UGP2: variants seen among roughly 807,000 people sequenced by gnomAD.
The protein encoded by UGP2 is UDP-glucose pyrophosphorylase 2, also known as UTP--glucose-1-phosphate uridylyltransferase.
A neutral mutation model predicts 49.0 loss-of-function variants in UGP2; 40 were observed. That is an observed-to-expected ratio of 0.82 (90% CI 0.63 to 1.06). The LOEUF is 1.06. Ranked by LOEUF, UGP2 falls within the 50% of genes least tolerant of loss-of-function variation. The pLI, the probability that UGP2 is intolerant of heterozygous loss-of-function variation, is 0.00. For synonymous variants in UGP2, 225 were observed against 213.0 expected (o/e 1.06, Z -0.49); for missense variants, 460 against 603.5 (o/e 0.76, Z 2.49).
rs997550036 is a variant in UGP2, at chr2:63,891,444, T to TA, written c.*220dup. 2 of 375,164 alleles carry TA rather than the reference T, an allele frequency of 5.3e-6. No individual in the cohort carries two copies. The highest frequency in any genetic ancestry group is 8.9e-5 in the Admixed American group (2 of 22,406). 23.2% of individuals were successfully genotyped at this position (375,164 alleles called of 1,614,324 possible). ...GAGAATCCCAAAAGTTAGTTCATCT[T>TA]AAAGTGCAATATTGTTTAATCTTAA... On this transcript the variant is annotated 3_prime_UTR_variant, in exon 10 of 10. Transcript: ENST00000337130.
chr2:63,868,948 A>G (rs1670363114), intron 3 of UGP2, among the ~76,000 whole-genome samples: 1 of 151,930 alleles, frequency 6.6e-6, no homozygotes, highest in Admixed American at 6.6e-5. Flanking sequence ...CTGGGCGACA[A>G]GAGTGAAACT....
At chr2:63,845,686 T>C (rs887860540) in intron 1 of UGP2, among the ~76,000 whole-genome samples, 5 of 152,292 alleles carry the variant, frequency 3.3e-5, no homozygotes, top group Admixed American at 6.5e-5. Context: ...TGATGTACTG[T>C]ATTAGGATTT....
intron 1 of UGP2, among the ~76,000 whole-genome samples, chr2:63,845,119 C>T (rs1016527859): frequency 6.6e-5 from 10 of 152,158 alleles, no homozygotes; most frequent in Non-Finnish European, 1.2e-4. Context: ...GCTTATCTTA[C>T]ATTTTTGGTT....
intron 1 of UGP2, among the ~76,000 whole-genome samples, chr2:63,843,355 G>C (rs1671712997): frequency 6.6e-6 from 1 of 152,212 alleles, no homozygotes. Context: ...TATGTGGTAA[G>C]AGATGCTTAT....
chr2:63,881,836 A>G (rs1342914717), intron 3 of UGP2, among the ~76,000 whole-genome samples: 1 of 152,186 alleles, frequency 6.6e-6, no homozygotes, highest in Non-Finnish European at 1.5e-5. Context: ...TTAATTTTCC[A>G]GTATTGGCTT....
At chr2:63,891,004 TA>T (rs941301313) in intron 9 of UGP2, 115 bp from the exon 10 acceptor site, 7 of 663,596 alleles carry the variant, frequency 1.1e-5, no homozygotes, top group African/African-American at 1.9e-5. Context: ...ATATTGTTTA[TA>T]AAAAAAGTTA....
At chr2:63,857,121 G>A (rs1051090674) in intron 2 of UGP2, among the ~76,000 whole-genome samples, 4 of 151,978 alleles carry the variant, frequency 2.6e-5, no homozygotes, top group Admixed American at 6.6e-5. Flanking sequence ...GCAACATGGC[G>A]AAACCCTGTC....
At chr2:63,852,516 G>C (rs985715034) in intron 1 of UGP2, among the ~76,000 whole-genome samples, 1 of 152,238 alleles carries the variant, frequency 6.6e-6, no homozygotes, top group African/African-American at 2.4e-5. Flanking sequence ...TTTGAGACAT[G>C]CCTGGATAAG....
At chr2:63,880,604 T>G (rs997592022) in intron 3 of UGP2, among the ~76,000 whole-genome samples, 1 of 152,178 alleles carries the variant, frequency 6.6e-6, no homozygotes, top group Non-Finnish European at 1.5e-5. Context: ...TTTTCTCTCC[T>G]AAGCAATATT....
chr2:63,876,512 A>G (rs1468297722), intron 3 of UGP2, among the ~76,000 whole-genome samples: 3 of 152,130 alleles, frequency 2.0e-5, no homozygotes, highest in Non-Finnish European at 4.4e-5. Context: ...TCCTTTCCAC[A>G]GTTATTCTGA....
intron 3 of UGP2, among the ~76,000 whole-genome samples, chr2:63,861,328 A>C (rs1181274193): frequency 6.6e-6 from 1 of 152,070 alleles, no homozygotes; most frequent in African/African-American, 2.4e-5. Context: ...GAAATAGATC[A>C]GAGTTACGAG....
chr2:63,842,246 A>T (rs771055532), intron 1 of UGP2, 42 bp downstream of exon 1: 1 of 1,607,992 alleles, frequency 6.2e-7, no homozygotes, highest in South Asian at 1.1e-5. Context: ...GCTTCAGGCA[A>T]ATTTGGGTAC....
intron 1 of UGP2, among the ~76,000 whole-genome samples, chr2:63,848,059 A>G (rs374672213): frequency 1.3e-5 from 2 of 152,346 alleles, no homozygotes; most frequent in East Asian, 3.9e-4. Context: ...GATATCCAGC[A>G]TTTATACTGT....
chr2:63,851,691 A>G (rs1420278138), intron 1 of UGP2, among the ~76,000 whole-genome samples: 4 of 152,190 alleles, frequency 2.6e-5, no homozygotes, highest in Admixed American at 6.5e-5. Context: ...GTTTCGAACA[A>G]TCTTATAGTT....
chr2:63,885,493 A>G, intron 5 of UGP2, 96 bp from the exon 6 acceptor site: 1 of 1,004,878 alleles, frequency 1.0e-6, no homozygotes, highest in Non-Finnish European at 1.4e-6. Flanking sequence ...TCTGAAAAGA[A>G]GTGAAATTTT....
chr2:63,861,150 A>T (rs1040258083), intron 3 of UGP2, among the ~76,000 whole-genome samples: 2 of 151,972 alleles, frequency 1.3e-5, no homozygotes, highest in Admixed American at 1.3e-4. Flanking sequence ...ATTTAACTAC[A>T]TAAGTAAAAA....
chr2:63,885,539 G>A, intron 5 of UGP2, 50 bp from the exon 6 acceptor site: 5 of 1,396,096 alleles, frequency 3.6e-6, no homozygotes, highest in Non-Finnish European at 4.7e-6. Context: ...TTAAAGGCCT[G>A]AAATGCTCTA....
chr2:63,873,341 G>C (rs1362482150), intron 3 of UGP2, among the ~76,000 whole-genome samples: 4 of 152,174 alleles, frequency 2.6e-5, no homozygotes, highest in Non-Finnish European at 4.4e-5. Context: ...ACTTAGTTTG[G>C]AGAGAGGTAA....
intron 3 of UGP2, among the ~76,000 whole-genome samples, chr2:63,874,347 A>G (rs148149933): frequency 6.6e-6 from 1 of 152,326 alleles, no homozygotes; most frequent in African/African-American, 2.4e-5. Flanking sequence ...CATAGAGACC[A>G]CTGCAATAAC....
Sources: allele counts gnomAD v4.1 joint callset (sites outside exome capture counted in the v4.1 genomes callset), GRCh38; gene constraint gnomAD v4.1.1; transcripts MANE v1.5; gene names NCBI Gene and HGNC (gene_info 2026-07-23, HGNC 2026-07-21).